Variants in ZBTB7C observed in about 807,000 individuals in gnomAD.
ZBTB7C encodes zinc finger and BTB domain containing 7C, also known as zinc finger and BTB domain-containing protein 7C.
Under a neutral mutation model 25.7 loss-of-function variants are expected in ZBTB7C, and 8 were observed. That is an observed-to-expected ratio of 0.31 (90% CI 0.18 to 0.56). The LOEUF (loss-of-function observed/expected upper bound fraction) is 0.56, where lower values mean the gene tolerates loss of function less well. ZBTB7C is among the 20% of genes least tolerant of loss of function. ZBTB7C has a pLI of 0.91. For synonymous variants in ZBTB7C, 394 were observed against 369.0 expected (o/e 1.07, Z -0.78); for missense variants, 824 against 855.2 (o/e 0.96, Z 0.46).
chr18:48,110,240 T>A (rs1013416256), intron 3 of ZBTB7C, among the ~76,000 whole-genome samples: 4 of 152,146 alleles, frequency 2.6e-5, no homozygotes, highest in African/African-American at 9.7e-5. Flanking sequence ...ACCACACTGA[T>A]CCGAGGGTGG....
chr18:48,091,649 C>G (rs1482054694), intron 3 of ZBTB7C, among the ~76,000 whole-genome samples: 1 of 152,162 alleles, frequency 6.6e-6, no homozygotes, highest in African/African-American at 2.4e-5. Flanking sequence ...CTGCTTGGCC[C>G]AGCTCCTTCA....
At chr18:48,081,778 C>T (rs1272805222) in intron 3 of ZBTB7C, among the ~76,000 whole-genome samples, 11 of 151,966 alleles carry the variant, frequency 7.2e-5, no homozygotes, top group Non-Finnish European at 1.5e-4. Flanking sequence ...AAGCCATTAG[C>T]CACACGAGGC....
chr18:48,212,163 T>C (rs1455989355), intron 2 of ZBTB7C, among the ~76,000 whole-genome samples: 3 of 152,168 alleles, frequency 2.0e-5, no homozygotes, highest in Non-Finnish European at 2.9e-5. Flanking sequence ...GAGACTAGCC[T>C]GGGCAACAGA....
intron 2 of ZBTB7C, among the ~76,000 whole-genome samples, chr18:48,226,864 C>T (rs2043109845): frequency 6.6e-6 from 1 of 151,698 alleles, no homozygotes; most frequent in South Asian, 2.1e-4. Context: ...ACTAAAAATA[C>T]AAAAAATTAG....
intron 3 of ZBTB7C, among the ~76,000 whole-genome samples, chr18:48,119,812 T>G (rs1360750578): frequency 1.3e-5 from 2 of 152,316 alleles, no homozygotes; most frequent in East Asian, 3.9e-4. Context: ...ACAATCTCAT[T>G]GATGGCAGCC....
chr18:48,134,490 G>A (rs778070485), intron 3 of ZBTB7C, among the ~76,000 whole-genome samples: 2 of 151,924 alleles, frequency 1.3e-5, no homozygotes, highest in African/African-American at 2.4e-5. Context: ...TCCTAAAACC[G>A]CCCCGGAAGG....
chr18:48,219,266 G>A (rs769198622), intron 2 of ZBTB7C, among the ~76,000 whole-genome samples: 26 of 152,000 alleles, frequency 1.7e-4, no homozygotes, highest in Admixed American at 1.1e-3. Flanking sequence ...ATATGCTGCC[G>A]GCCCCTGCCC....
chr18:48,096,766 G>C (rs945684109), intron 3 of ZBTB7C, among the ~76,000 whole-genome samples: 1 of 152,236 alleles, frequency 6.6e-6, no homozygotes, highest in African/African-American at 2.4e-5. Flanking sequence ...GGTGAAGAGA[G>C]AGCAAAGGAG....
chr18:48,295,696 T>G (rs536193646), intron 2 of ZBTB7C, among the ~76,000 whole-genome samples: 19 of 152,204 alleles, frequency 1.2e-4, no homozygotes, highest in South Asian at 2.1e-4. Flanking sequence ...CTGAAATGGT[T>G]TCAGAGGCCT....
intron 3 of ZBTB7C, among the ~76,000 whole-genome samples, chr18:48,090,364 T>C (rs957222773): frequency 1.3e-5 from 2 of 152,192 alleles, no homozygotes; most frequent in Admixed American, 6.5e-5. Flanking sequence ...TCAAAGGGAA[T>C]TCTTGCCCAG....
chr18:48,076,833 T>C, intron 3 of ZBTB7C: 1 of 570,724 alleles, frequency 1.8e-6, no homozygotes, highest in Non-Finnish European at 2.2e-6. Flanking sequence ...CCCATGGGAT[T>C]GCAGGAGAAT....
chr18:48,098,668 T>A (rs1352414213), intron 3 of ZBTB7C, among the ~76,000 whole-genome samples: 1 of 152,212 alleles, frequency 6.6e-6, no homozygotes, highest in Non-Finnish European at 1.5e-5. Context: ...ATCTGGTTCC[T>A]GGGATGAAGC....
intron 2 of ZBTB7C, among the ~76,000 whole-genome samples, chr18:48,246,438 AT>A (rs1260749406): frequency 6.6e-5 from 10 of 151,676 alleles, no homozygotes; most frequent in South Asian, 2.1e-4. Context: ...TCAAAAAAAA[AT>A]AAATAATAAA....
At chr18:48,261,665 T>C (rs572819601) in intron 2 of ZBTB7C, among the ~76,000 whole-genome samples, 1 of 151,864 alleles carries the variant, frequency 6.6e-6, no homozygotes, top group East Asian at 2.0e-4. Context: ...ACAGAGCATC[T>C]TCACAGCATG....
At chr18:48,107,608 G>A (rs1307011723) in intron 3 of ZBTB7C, among the ~76,000 whole-genome samples, 2 of 152,144 alleles carry the variant, frequency 1.3e-5, no homozygotes, top group Admixed American at 6.5e-5. Context: ...CTTGGATGGA[G>A]GCCAGAGGTG....
At position 48,309,957 on chromosome 18, in the gene ZBTB7C, C is replaced by T. The variant is rs899016129; in HGVS notation, c.-79+28217G>A. On this transcript the variant is annotated intron_variant, in intron 2 of 4. Transcript: ENST00000590800. ...TCAAAAATTGGTTCCTGGCCAGGTG[C>T]GGTGGCTCAGGCCTGTAATCCCAGC... is the stretch of plus-strand genomic sequence containing the variant. Among the ~76,000 whole-genome samples, 12 of 152,252 alleles carry T rather than the reference C, an allele frequency of 7.9e-5. 1 individual carries two copies. The highest frequency in any genetic ancestry group is 1.8e-4 in the Non-Finnish European group (12 of 68,012).
chr18:48,327,550 C>T (rs1299966946), intron 2 of ZBTB7C, among the ~76,000 whole-genome samples: 2 of 151,752 alleles, frequency 1.3e-5, no homozygotes, highest in Admixed American at 6.6e-5. Context: ...GCCTTCCTCA[C>T]TGTTCCCAGT....
chr18:48,246,648 TTTAAA>T (rs529222823), intron 2 of ZBTB7C, among the ~76,000 whole-genome samples: 211 of 152,254 alleles, frequency 1.4e-3, no homozygotes, highest in Non-Finnish European at 2.6e-3. Context: ...TCTCTGATTC[TTTAAA>T]TTATAGGCAT....
intron 2 of ZBTB7C, among the ~76,000 whole-genome samples, chr18:48,236,520 G>C (rs1165222732): frequency 1.3e-5 from 2 of 152,236 alleles, no homozygotes; most frequent in Non-Finnish European, 2.9e-5. Flanking sequence ...GATTTCGTTT[G>C]AGCTGGAGGA....
Sources: gnomAD v4.1 joint callset for allele counts (sites outside exome capture counted in the v4.1 genomes callset) on GRCh38, gnomAD v4.1.1 for gene constraint, MANE v1.5 for transcripts, NCBI Gene and HGNC (gene_info 2026-07-23, HGNC 2026-07-21) for gene names.